ZFAT: variants seen among roughly 807,000 people sequenced by gnomAD.
The protein encoded by ZFAT is zinc finger and AT-hook domain containing.
Under a neutral mutation model 117.7 loss-of-function variants are expected in ZFAT, and 64 were observed. The ratio of observed to expected loss-of-function variants is 0.54; its 90% CI spans 0.44 to 0.67. The LOEUF is 0.67. ZFAT is among the 30% of genes least tolerant of loss of function. The pLI is 0.00. For synonymous variants in ZFAT, 679 were observed against 615.0 expected (o/e 1.10, Z -1.54); for missense variants, 1,433 against 1,584.5 (o/e 0.90, Z 1.62).
chr8:134,824,453 A>G, the ZFAT span, among the ~76,000 whole-genome samples: 1 of 152,268 alleles, frequency 6.6e-6, no homozygotes, highest in Non-Finnish European at 1.5e-5. Flanking sequence ...AACCTTGCTC[A>G]ACTGAAATAC....
Position 134,712,761 on chromosome 8 carries a change from G to C in ZFAT, c.19+84C>G, listed in dbSNP as rs999994413. ...GCCGGCGGCCGGCGCACTGCTTCCC[G>C]ACTCGACGCTCGAAACGGCTTTCCG... On this transcript the variant is annotated intron_variant, in intron 1 of 15. Coordinates refer to ENST00000377838, the MANE Select transcript of ZFAT (RefSeq NM_020863.4). The C allele has an allele frequency of 9.0e-5, 125 of 1,381,238 alleles. 3 individuals are homozygous for C. The South Asian group carries it at 1.5e-3, about 17-fold the overall frequency. 85.6% of individuals were successfully genotyped at this position (1,381,238 alleles called of 1,614,324 possible). A position where few individuals can be genotyped will look rare whatever the true frequency, so the allele number is the denominator to read the frequency against.
At chr8:134,714,427 G>A (rs188255680), upstream of ZFAT, among the ~76,000 whole-genome samples, 8 of 152,166 alleles carry the variant, frequency 5.3e-5, no homozygotes, top group East Asian at 1.5e-3. Context: ...AGCGCCTGTT[G>A]CATAGTCATA....
rs563514003 is a variant in ZFAT at position 134,558,069 on chromosome 8, G to C, written c.2976+7264C>G. On this transcript the variant is annotated intron_variant, in intron 11 of 15. Coordinates refer to ENST00000377838, the MANE Select transcript of ZFAT (RefSeq NM_020863.4). ...CGGTTGGGCTCTAGGCTTACTGAAA[G>C]CATCTTCTGGGTTTAGAAATGCATT... 5.3e-5 allele frequency among the ~76,000 whole-genome samples: 8 copies of C among 152,324 alleles called. 1 individual carries two copies. The South Asian group carries it at 1.7e-3, about 32-fold the overall frequency.
At chr8:134,586,067 G>GATTTAT (rs1453765146) in intron 9 of ZFAT, among the ~76,000 whole-genome samples, 1 of 152,046 alleles carries the variant, frequency 6.6e-6, no homozygotes, top group East Asian at 1.9e-4. Flanking sequence ...TATGGTACAG[G>GATTTAT]GGATCAATTC....
chr8:134,796,879 TTCATTTA>T, the ZFAT span: 1 of 152,234 alleles, frequency 6.6e-6, no homozygotes, highest in Admixed American at 6.5e-5. Flanking sequence ...ATGTTAAAAG[TTCATTTA>T]TCATCCATGT....
upstream of ZFAT, among the ~76,000 whole-genome samples, chr8:134,716,144 TA>T (rs1385323125): frequency 1.6e-5 from 2 of 127,594 alleles, no homozygotes; most frequent in Non-Finnish European, 3.2e-5. Flanking sequence ...AAAATTTATT[TA>T]TATATATATA....
the ZFAT span, among the ~76,000 whole-genome samples, chr8:134,770,228 A>G: frequency 6.6e-6 from 1 of 152,190 alleles, no homozygotes; most frequent in Non-Finnish European, 1.5e-5. Flanking sequence ...AAATTTTCCA[A>G]ACTTTTATAT....
intron 11 of ZFAT, among the ~76,000 whole-genome samples, chr8:134,562,381 G>A (rs1824118141): frequency 6.6e-6 from 1 of 152,180 alleles, no homozygotes; most frequent in African/African-American, 2.4e-5. Context: ...TCTGTTACAG[G>A]AGCAATAGGA....
At position 134,602,328 on chromosome 8, in the gene ZFAT, C is replaced by T. The variant is rs189623686; in HGVS notation, c.1391G>A (p.Arg464His). Residue 464 changes from arginine (R) to histidine (H), a missense_variant, in exon 6 of 16, where the codon CGC becomes CAC. By Grantham distance (29) the Arg-to-His change is conservative. This residue lies in a region of ZFAT where 73 missense variants were observed against 122.0 expected (regional missense o/e 0.60). Transcript: ENST00000377838. Reference protein sequence around the residue: ...HPFVYVCAVCRKKFVSSIRLR... With the variant: ...HPFVYVCAVCHKKFVSSIRLR... Reference sequence around the variant, plus strand: ...CCTGATGGAGCTGACGAACTTCTTGCGGCAGACGGCACAGACGTACACGAA... The same window carrying T: ...CCTGATGGAGCTGACGAACTTCTTGTGGCAGACGGCACAGACGTACACGAA... 7.2e-4 allele frequency: 1,161 copies of T among 1,613,876 alleles called. 14 individuals carry two copies. The East Asian group carries it at 0.023, about 33-fold the overall frequency.
At chr8:134,783,863 T>C in the ZFAT span, 1 of 152,206 alleles carries the variant, frequency 6.6e-6, no homozygotes, top group African/African-American at 2.4e-5. Context: ...GTGGGTCATT[T>C]ATGAAATATT....
intron 7 of ZFAT, among the ~76,000 whole-genome samples, chr8:134,595,489 G>A (rs2130896890): frequency 6.6e-6 from 1 of 152,280 alleles, no homozygotes; most frequent in South Asian, 2.1e-4. Context: ...GGCTCAAGGA[G>A]GCTAAGGATT....
chr8:134,544,976 A>G (rs1822580615), intron 11 of ZFAT, among the ~76,000 whole-genome samples: 1 of 152,200 alleles, frequency 6.6e-6, no homozygotes, highest in African/African-American at 2.4e-5. Flanking sequence ...ACTGGTGCAC[A>G]AGCATACCAG....
the ZFAT span, among the ~76,000 whole-genome samples, chr8:134,736,613 G>T: frequency 1.3e-5 from 2 of 151,970 alleles, no homozygotes; most frequent in Admixed American, 1.3e-4. Flanking sequence ...TCTCTCTACT[G>T]GGTCTTGCTC....
chr8:134,745,008 C>G, the ZFAT span, among the ~76,000 whole-genome samples: 1 of 150,018 alleles, frequency 6.7e-6, no homozygotes, highest in Admixed American at 6.6e-5. Context: ...GAATTACAGG[C>G]GTAGCCACCG....
intron 15 of ZFAT, among the ~76,000 whole-genome samples, chr8:134,494,489 C>T (rs749768651): frequency 4.6e-5 from 7 of 152,116 alleles, no homozygotes; most frequent in South Asian, 2.1e-4. Context: ...CCTCAGCTGA[C>T]GCACACTCTT....
chr8:134,774,304 C>T, the ZFAT span, among the ~76,000 whole-genome samples: 3 of 152,074 alleles, frequency 2.0e-5, no homozygotes, highest in Non-Finnish European at 4.4e-5. Flanking sequence ...GGCTTAACTC[C>T]AGTTTTGAAA....
chr8:134,595,890 T>C (rs11998509), intron 7 of ZFAT, among the ~76,000 whole-genome samples: 35,628 of 152,170 alleles, frequency 0.23, 4,616 homozygotes, highest in East Asian at 0.53. Flanking sequence ...AACTTGGATA[T>C]GGGCCCATTT....
At chr8:134,801,381 A>G in the ZFAT span, among the ~76,000 whole-genome samples, 1 of 152,226 alleles carries the variant, frequency 6.6e-6, no homozygotes, top group African/African-American at 2.4e-5. Context: ...TCCTACCAAC[A>G]CACTTGCATC....
At chr8:134,665,355 C>T (rs1832157937) in intron 1 of ZFAT, among the ~76,000 whole-genome samples, 1 of 152,152 alleles carries the variant, frequency 6.6e-6, no homozygotes, top group Non-Finnish European at 1.5e-5. Context: ...GTCAGTTGGG[C>T]CTTGAGCTGG....
Sources: allele counts gnomAD v4.1 joint callset (sites outside exome capture counted in the v4.1 genomes callset), GRCh38; gene constraint gnomAD v4.1.1; regional missense constraint gnomAD v4.1.1; transcripts MANE v1.5; gene names NCBI Gene and HGNC (gene_info 2026-07-23, HGNC 2026-07-21).